Variants in SRGAP1 observed in about 807,000 individuals in gnomAD.
SRGAP1 encodes the protein SLIT-ROBO Rho GTPase-activating protein 1.
SRGAP1 carries 43 observed loss-of-function variants against 121.9 expected under a neutral mutation model. The ratio of observed to expected loss-of-function variants is 0.35; its 90% CI spans 0.28 to 0.46. SRGAP1 has a LOEUF of 0.46. SRGAP1 is among the 20% of genes least tolerant of loss of function. SRGAP1 has a pLI of 1.00. For synonymous variants in SRGAP1, 447 were observed against 485.4 expected (o/e 0.92, Z 1.04); for missense variants, 1,102 against 1,350.9 (o/e 0.82, Z 2.89).
intron 1 of SRGAP1, among the ~76,000 whole-genome samples, chr12:63,881,296 A>G (rs952140880): frequency 6.6e-6 from 1 of 152,232 alleles, no homozygotes; most frequent in East Asian, 1.9e-4. Context: ...TGATATGTAC[A>G]CAGACTAACA....
At chr12:63,904,472 A>G (rs1051916339) in intron 1 of SRGAP1, among the ~76,000 whole-genome samples, 2 of 152,198 alleles carry the variant, frequency 1.3e-5, no homozygotes, top group Admixed American at 6.5e-5. Flanking sequence ...TGAGGATGGA[A>G]AGCAAAAGGA....
intron 8 of SRGAP1, among the ~76,000 whole-genome samples, chr12:64,077,387 C>T (rs1446462119): frequency 6.6e-6 from 1 of 151,496 alleles, no homozygotes; most frequent in African/African-American, 2.4e-5. Flanking sequence ...AAGCACTCGA[C>T]ATCAAAGAAT....
chr12:63,966,392 G>C (rs2032791413), intron 1 of SRGAP1, among the ~76,000 whole-genome samples: 1 of 152,062 alleles, frequency 6.6e-6, no homozygotes, highest in Non-Finnish European at 1.5e-5. Context: ...AATTACCCAA[G>C]GCAGGACTCA....
intron 1 of SRGAP1, among the ~76,000 whole-genome samples, chr12:63,956,447 A>C (rs2032473298): frequency 6.6e-6 from 1 of 152,238 alleles, no homozygotes; most frequent in Non-Finnish European, 1.5e-5. Flanking sequence ...TTGCAGATGC[A>C]TAAATTGTGC....
intron 8 of SRGAP1, among the ~76,000 whole-genome samples, chr12:64,066,412 T>C (rs972577086): frequency 6.6e-6 from 1 of 152,194 alleles, no homozygotes; most frequent in Non-Finnish European, 1.5e-5. Flanking sequence ...AACTCTTTGA[T>C]TGAGAATTCC....
At chr12:63,913,568 A>G (rs937140191) in intron 1 of SRGAP1, among the ~76,000 whole-genome samples, 2 of 149,934 alleles carry the variant, frequency 1.3e-5, no homozygotes, top group Non-Finnish European at 3.0e-5. Context: ...ATAAAGACAC[A>G]GTTCAAGGGT....
At chr12:64,057,357 A>G (rs2035363008) in intron 6 of SRGAP1, among the ~76,000 whole-genome samples, 1 of 152,210 alleles carries the variant, frequency 6.6e-6, no homozygotes, top group South Asian at 2.1e-4. Flanking sequence ...ACTCGTGTGT[A>G]AAAGTTGCCT....
intron 3 of SRGAP1, among the ~76,000 whole-genome samples, chr12:63,990,463 C>T (rs932890601): frequency 1.3e-5 from 2 of 152,072 alleles, no homozygotes; most frequent in South Asian, 2.1e-4. Flanking sequence ...ACCCAGGAGG[C>T]GGAGGTTGCA....
chr12:64,034,991 G>A (rs148456217), intron 4 of SRGAP1, among the ~76,000 whole-genome samples: 155 of 151,868 alleles, frequency 1.0e-3, no homozygotes, highest in Non-Finnish European at 8.4e-4. Flanking sequence ...AGTCCTGCTG[G>A]CCACTCATGA....
chr12:63,887,703 T>G (rs1900436386), intron 1 of SRGAP1: 1 of 152,178 alleles, frequency 6.6e-6, no homozygotes, highest in South Asian at 2.1e-4. Flanking sequence ...TCCCACACTC[T>G]CCCCCGGGAA....
chr12:64,002,114 G>T (rs1417175128), intron 3 of SRGAP1, among the ~76,000 whole-genome samples: 1 of 152,174 alleles, frequency 6.6e-6, no homozygotes, highest in Non-Finnish European at 1.5e-5. Flanking sequence ...GGAGACATTG[G>T]ACTTACATAA....
intron 8 of SRGAP1, among the ~76,000 whole-genome samples, chr12:64,067,684 T>G (rs982754197): frequency 7.2e-5 from 11 of 152,158 alleles, no homozygotes; most frequent in Non-Finnish European, 1.6e-4. Flanking sequence ...CTTCAATATA[T>G]GTCAAGGTGC....
chr12:63,976,738 T>C (rs1195161600), intron 1 of SRGAP1, among the ~76,000 whole-genome samples: 6 of 152,170 alleles, frequency 3.9e-5, no homozygotes, highest in Non-Finnish European at 8.8e-5. Flanking sequence ...GTGGGAAGTA[T>C]TGTTTTATAA....
At chr12:64,127,442 A>C (rs552223826) in intron 19 of SRGAP1, 148 bp from the exon 20 acceptor site, 1 of 740,496 alleles carries the variant, frequency 1.4e-6, no homozygotes, top group Admixed American at 3.6e-5. Flanking sequence ...AAAAGAGAAA[A>C]GTTATTTTAA....
intron 15 of SRGAP1, among the ~76,000 whole-genome samples, chr12:64,101,901 G>A (rs1431861076): frequency 1.3e-5 from 2 of 152,178 alleles, no homozygotes; most frequent in Non-Finnish European, 2.9e-5. Flanking sequence ...TCTTAAGGGA[G>A]AATTTTTCTT....
chr12:64,091,938 G>C (rs2036060698), intron 12 of SRGAP1: 1 of 1,534,496 alleles, frequency 6.5e-7, no homozygotes, highest in Non-Finnish European at 8.7e-7. Context: ...TATAGTGCTA[G>C]AGGGACGTGA....
Position 64,126,167 on chromosome 12 carries a change from C to T in SRGAP1, c.2405+10C>T. ...TAGTGGTGCAGGATATGTGAGTAGT[C>T]TCAACTTTGATTGCCTGAGTGCTCC... is the stretch of plus-strand genomic sequence containing the variant. On this transcript the variant is annotated intron_variant, in intron 19 of 21. Coordinates refer to ENST00000355086, the MANE Select transcript of SRGAP1 (RefSeq NM_020762.4). The T allele has an allele frequency of 6.2e-7, 1 of 1,606,402 alleles. No individual in the cohort carries two copies. Among genetic ancestry groups the T allele is most frequent in the African/African-American group, 1.3e-5 (1 of 74,910 alleles).
At chr12:63,928,223 TG>T (rs1403066984) in intron 1 of SRGAP1, among the ~76,000 whole-genome samples, 1 of 152,352 alleles carries the variant, frequency 6.6e-6, no homozygotes, top group East Asian at 1.9e-4. Flanking sequence ...GCTTTGCTGA[TG>T]GGAGTATAAA....
rs77554724 is a variant in SRGAP1 at position 63,958,559 on chromosome 12, A to G, written c.68-25388A>G. On this transcript the variant is annotated intron_variant, in intron 1 of 21. Coordinates refer to ENST00000355086, the MANE Select transcript of SRGAP1 (RefSeq NM_020762.4). ...TGTTTAATAAGGTGAAGTAGAGCAC[A>G]GAGGATATCATTTTAAAAATACTGA... 2.3e-3 allele frequency among the ~76,000 whole-genome samples: 347 copies of G among 152,342 alleles called. 1 individual carries two copies. The highest frequency in any genetic ancestry group is 7.9e-3 in the African/African-American group (327 of 41,568).
Sources: allele counts gnomAD v4.1 joint callset (sites outside exome capture counted in the v4.1 genomes callset), GRCh38; gene constraint gnomAD v4.1.1; transcripts MANE v1.5; gene names NCBI Gene and HGNC (gene_info 2026-07-23, HGNC 2026-07-21).